Variants in C8A observed in about 807,000 individuals in gnomAD.
C8A encodes the protein complement C8 alpha chain.
Under a neutral mutation model 65.3 loss-of-function variants are expected in C8A, and 67 were observed. The observed-to-expected ratio is 1.03, with a 90% confidence interval of 0.84 to 1.26. C8A has a LOEUF of 1.26. Among genes scored for constraint, C8A ranks in the 50% most tolerant of loss-of-function variants. C8A has a pLI of 0.00. For missense variants in C8A, 781 were observed against 723.9 expected, an observed-to-expected ratio of 1.08 and a Z score of -0.90; for synonymous variants, 290 against 259.4, an observed-to-expected ratio of 1.12 and a Z score of -1.13.
intron 6 of C8A, among the ~76,000 whole-genome samples, chr1:56,885,315 A>AAT (rs60530575): frequency 0.24 from 28,200 of 116,134 alleles, 4,754 homozygotes; most frequent in African/African-American, 0.43. Context: ...TATTTACATA[A>AAT]ATATATTTAT....
In C8A at chr1:56,888,167, T is replaced by A. The variant is rs531051008; in HGVS notation, c.1096+2000T>A. Among the ~76,000 whole-genome samples the A allele has an allele frequency of 3.3e-5, 5 of 152,212 alleles. No homozygotes were observed. In the East Asian group the frequency reaches 9.6e-4, roughly 29 times the overall value. ...CCAAATGTTAGTATTATCTTCCTTA[T>A]CCAGATAGCAAGATATTTGAAAAAA... On this transcript the variant is annotated intron_variant, in intron 7 of 10. Coordinates refer to ENST00000361249, the MANE Select transcript of C8A (RefSeq NM_000562.3).
At chr1:56,874,250 C>A (rs1644175724) in intron 2 of C8A, among the ~76,000 whole-genome samples, 2 of 152,214 alleles carry the variant, frequency 1.3e-5, no homozygotes, top group Non-Finnish European at 1.5e-5. Context: ...GCAATGATTA[C>A]AACAACTAGG....
Position 56,904,033 on chromosome 1 carries a change from A to T in C8A, c.1097-2634A>T, listed in dbSNP as rs778623914. Among the ~76,000 whole-genome samples, 16 of 152,310 alleles carry T rather than the reference A, an allele frequency of 1.1e-4. No individual in the cohort carries two copies. In the South Asian group the frequency reaches 3.3e-3, roughly 32 times the overall value. On this transcript the variant is annotated intron_variant, in intron 7 of 10. Transcript: ENST00000361249. ...CAATGGCAGAGGATTGTCTAGTTCC[A>T]TGAATATAGTCAGTCTATCCACACT...
intron 7 of C8A, among the ~76,000 whole-genome samples, chr1:56,889,541 T>C (rs916019684): frequency 6.6e-6 from 1 of 152,178 alleles, no homozygotes; most frequent in Non-Finnish European, 1.5e-5. Context: ...CCTTTTCTCT[T>C]TCCTCTTTGT....
intron 7 of C8A, among the ~76,000 whole-genome samples, chr1:56,888,854 T>A (rs907763102): frequency 2.6e-5 from 4 of 152,156 alleles, no homozygotes; most frequent in Admixed American, 1.3e-4. Context: ...TTGTCCAAGT[T>A]TTAGCTACAT....
At position 56,867,691 on chromosome 1, in the gene C8A, C is replaced by A; in HGVS notation, c.160C>A (p.Gln54Lys). Residue 54 changes from glutamine (Q) to lysine (K), a missense_variant, in exon 2 of 11, where the codon CAG (glutamine) becomes AAG (lysine). Coordinates refer to ENST00000361249, the MANE Select transcript of C8A (RefSeq NM_000562.3). ...AGAGTGGACAGATTGCTTTCCGTGC[C>A]AGGACAAAAAGGTGAGACACTTACA... ...WSEWTDCFPC[Q>K]DKKYRHRSLL... 1 of 1,613,430 alleles carries A rather than the reference C, an allele frequency of 6.2e-7. No homozygotes were observed. The highest frequency in any genetic ancestry group is 8.5e-7 in the Non-Finnish European group (1 of 1,179,558).
chr1:56,887,427 T>C (rs1343092850), intron 7 of C8A, among the ~76,000 whole-genome samples: 1 of 152,186 alleles, frequency 6.6e-6, no homozygotes, highest in Non-Finnish European at 1.5e-5. Context: ...CTCATTGTGG[T>C]TTTGATTTGC....
chr1:56,906,963 T>G (rs543872599), intron 8 of C8A, among the ~76,000 whole-genome samples, 171 bp downstream of exon 8: 3 of 152,284 alleles, frequency 2.0e-5, no homozygotes, highest in East Asian at 3.9e-4. Context: ...TTATTTTGAA[T>G]CTACCATGGG....
intron 8 of C8A, among the ~76,000 whole-genome samples, chr1:56,907,588 A>G (rs993792365): frequency 6.6e-6 from 1 of 152,216 alleles, no homozygotes; most frequent in Admixed American, 6.5e-5. Flanking sequence ...CATCTGTTGT[A>G]CCTATAGCAC....
intron 1 of C8A, among the ~76,000 whole-genome samples, chr1:56,860,159 G>T (rs980744390): frequency 6.6e-6 from 1 of 152,194 alleles, no homozygotes; most frequent in African/African-American, 2.4e-5. Context: ...AAGACAGGCT[G>T]ATTGAGGGAA....
chr1:56,886,600 A>T lies in C8A; in HGVS notation c.1096+433A>T, dbSNP rs116622309. On this transcript the variant is annotated intron_variant, in intron 7 of 10. Coordinates refer to ENST00000361249, the MANE Select transcript of C8A (RefSeq NM_000562.3). ...CTCCGGTAGATCTCTAAGGTGCTTC[A>T]GTTCTCTCTCATTCTTCCACTCTCC... is the stretch of plus-strand genomic sequence containing the variant. Among the ~76,000 whole-genome samples the T allele has an allele frequency of 9.0e-3, 1,366 of 151,950 alleles. 53 individuals carry two copies. In the South Asian group the frequency reaches 0.12, roughly 13 times the overall value.
chr1:56,857,383 C>T (rs927299576), intron 1 of C8A, among the ~76,000 whole-genome samples: 3 of 151,840 alleles, frequency 2.0e-5, no homozygotes, highest in African/African-American at 7.3e-5. Context: ...TCATGAAAGG[C>T]TTCCATTATC....
intron 9 of C8A, among the ~76,000 whole-genome samples, chr1:56,912,145 A>G (rs1021963541): frequency 1.3e-5 from 2 of 152,170 alleles, no homozygotes; most frequent in Non-Finnish European, 1.5e-5. Flanking sequence ...CCCGATCTTC[A>G]TTATTATTTC....
chr1:56,867,224 AT>A (rs1644098579), intron 1 of C8A, among the ~76,000 whole-genome samples: 1 of 152,116 alleles, frequency 6.6e-6, no homozygotes, highest in African/African-American at 2.4e-5. Context: ...ATATTAAGTA[AT>A]TTACTCAAGT....
rs141579711 is a variant in C8A, at chr1:56,908,058, C to T, written c.1325C>T (p.Thr442Ile). The T allele has an allele frequency of 1.9e-6, 3 of 1,614,166 alleles. No homozygotes were observed. The South Asian group carries it at 3.3e-5, about 18-fold the overall frequency. Residue 442 changes from threonine to isoleucine, a missense_variant, in exon 9 of 11, where the codon ACA (threonine) becomes ATA (isoleucine). Coordinates refer to ENST00000361249, the MANE Select transcript of C8A (RefSeq NM_000562.3). ...TTGGCACAGAACAGGAGCACCATTA[C>T]ATACCGTTCCTGGGGGAGGTCATTA... The part of the protein sequence containing the change: ...GGLAQNRSTI[T>I]YRSWGRSLKY...
At position 56,862,114 on chromosome 1, in the gene C8A, A is replaced by G. The variant is rs1156941336; in HGVS notation, c.78-5495A>G. The stretch of plus-strand genomic sequence containing the variant: ...ATGAAGATGGGGTGGTTTGATGAGC[A>G]TGTGTGACGTTGACAAGGTTAGAGT... On this transcript the variant is annotated intron_variant, in intron 1 of 10. Transcript: ENST00000361249. Among the ~76,000 whole-genome samples, 3 of 152,300 alleles carry G rather than the reference A, an allele frequency of 2.0e-5. No individual in the cohort carries two copies. In the East Asian group the frequency reaches 5.8e-4, roughly 29 times the overall value.
chr1:56,862,000 TTGCCCAATATGCTGCCCTATTTTAAAA>T (rs1644038020), intron 1 of C8A, among the ~76,000 whole-genome samples: 3 of 152,344 alleles, frequency 2.0e-5, no homozygotes, highest in Admixed American at 2.0e-4. Flanking sequence ...TTTAGACTCT[TTGCCCAATATGCTGCCCTATTTTAAAA>T]GGCAGATGGG....
intron 4 of C8A, among the ~76,000 whole-genome samples, chr1:56,877,363 T>C (rs1212972474): frequency 3.3e-5 from 5 of 152,120 alleles, no homozygotes; most frequent in African/African-American, 1.2e-4. Flanking sequence ...CTAGGTTGAC[T>C]TAGTCCCCTC....
rs1644515876 is a variant in C8A, at chr1:56,912,443, G to GCA, written c.1421_1422insCA (p.Pro475SerfsTer18). The GCA allele has an allele frequency of 5.6e-6, 9 of 1,614,196 alleles. No individual in the cohort carries two copies. Among genetic ancestry groups the GCA allele is most frequent in the Non-Finnish European group, 7.6e-6 (9 of 1,180,036 alleles). ...GAGGTGCTGCGGCACACAAGCCTGG[G>GCA]GCCTCTGGAGGCCAAGCGCCAGAAC... On this transcript the variant is annotated frameshift_variant, in exon 10 of 11. Transcript: ENST00000361249. LOFTEE classifies it high-confidence loss of function.
Sources: allele counts gnomAD v4.1 joint callset (sites outside exome capture counted in the v4.1 genomes callset), GRCh38; gene constraint gnomAD v4.1.1; transcripts MANE v1.5; gene names NCBI Gene and HGNC (gene_info 2026-07-23, HGNC 2026-07-21).